The following SNX24 variants were observed in gnomAD, a reference collection of about 807,000 sequenced individuals.
The protein encoded by SNX24 is sorting nexin 24.
Under a neutral mutation model 28.7 loss-of-function variants are expected in SNX24, and 22 were observed. That is an observed-to-expected ratio of 0.77 (90% CI 0.55 to 1.10). The LOEUF (loss-of-function observed/expected upper bound fraction) is 1.10, where lower values mean the gene tolerates loss of function less well. Ranked by LOEUF, SNX24 falls within the 50% of genes least tolerant of loss-of-function variation. The pLI is 0.00. For missense variants in SNX24, 221 were observed against 201.1 expected, an observed-to-expected ratio of 1.10 and a Z score of -0.60; for synonymous variants, 69 against 71.5, an observed-to-expected ratio of 0.96 and a Z score of 0.18.
intron 1 of SNX24, among the ~76,000 whole-genome samples, chr5:122,861,589 A>G (rs1755464615): frequency 1.3e-5 from 2 of 152,098 alleles, no homozygotes; most frequent in South Asian, 4.1e-4. Flanking sequence ...CTTTAGAAGG[A>G]GCAGAAAACC....
At chr5:122,921,377 G>T (rs1378778321) in intron 1 of SNX24, among the ~76,000 whole-genome samples, 1 of 152,148 alleles carries the variant, frequency 6.6e-6, no homozygotes, top group Admixed American at 6.5e-5. Flanking sequence ...GGAAAATAAA[G>T]GCACTAATCG....
chr5:122,849,810 T>C (rs1160564606), intron 1 of SNX24, among the ~76,000 whole-genome samples: 1 of 152,220 alleles, frequency 6.6e-6, no homozygotes, highest in Non-Finnish European at 1.5e-5. Flanking sequence ...CCATCTCCAC[T>C]GTTGTATCCT....
intron 1 of SNX24, among the ~76,000 whole-genome samples, chr5:122,865,939 A>G (rs767837996): frequency 6.6e-6 from 1 of 152,248 alleles, no homozygotes; most frequent in African/African-American, 2.4e-5. Flanking sequence ...GATGATTTAA[A>G]TATGATGACA....
At chr5:122,922,372 C>A (rs1758469839) in intron 1 of SNX24, among the ~76,000 whole-genome samples, 2 of 152,106 alleles carry the variant, frequency 1.3e-5, no homozygotes, top group South Asian at 4.1e-4. Context: ...CCTGCCTCAG[C>A]CTCCTGAGTA....
intron 5 of SNX24, among the ~76,000 whole-genome samples, chr5:123,021,884 C>T (rs1235082062): frequency 6.6e-6 from 1 of 152,140 alleles, no homozygotes; most frequent in African/African-American, 2.4e-5. Context: ...ATTTTCTCTT[C>T]CTTCCTCCTG....
At position 123,008,183 on chromosome 5, in the gene SNX24, A is replaced by AT. The variant is rs1339240594; in HGVS notation, c.*438dup. ...GACACACTACTCTTCTCACCGTGAG[A>AT]TTTTCTCAGCCAGTGATAGTACATT... On this transcript the variant is annotated 3_prime_UTR_variant, in exon 7 of 7. Coordinates refer to ENST00000261369, the MANE Select transcript of SNX24 (RefSeq NM_014035.4). 1.0e-6 allele frequency: 1 copy of AT among 986,912 alleles called. No individual in the cohort carries two copies. The highest frequency in any genetic ancestry group is 1.2e-6 in the Non-Finnish European group (1 of 831,218). The allele number at this position is 986,912 out of a possible 1,614,324, so 61.1% of individuals were successfully genotyped here. A position where few individuals can be genotyped will look rare whatever the true frequency, so the allele number is the denominator to read the frequency against.
chr5:122,963,619 T>C (rs890753450), intron 3 of SNX24, among the ~76,000 whole-genome samples: 1 of 152,198 alleles, frequency 6.6e-6, no homozygotes, highest in Admixed American at 6.5e-5. Flanking sequence ...GCAGACATCC[T>C]TTAGATATTT....
intron 1 of SNX24, among the ~76,000 whole-genome samples, chr5:122,900,367 GT>G (rs570160521): frequency 6.6e-6 from 1 of 151,922 alleles, no homozygotes; most frequent in South Asian, 2.1e-4. Context: ...CTATTAAAAC[GT>G]TTTTTTTAAA....
intron 3 of SNX24, among the ~76,000 whole-genome samples, chr5:122,953,527 G>GAAA (rs35953786): frequency 2.7e-5 from 4 of 148,802 alleles, no homozygotes; most frequent in Non-Finnish European, 3.0e-5. Flanking sequence ...TAATCTTCCA[G>GAAA]AAAAAAAAAA....
chr5:123,016,989 AG>A (rs143912377), intron 5 of SNX24, among the ~76,000 whole-genome samples: 19,671 of 152,094 alleles, frequency 0.13, 1,554 homozygotes, highest in East Asian at 0.35. Flanking sequence ...AAATGAGCCT[AG>A]GTTTTTCCCA....
At chr5:122,901,224 A>G (rs1001552532) in intron 1 of SNX24, among the ~76,000 whole-genome samples, 2 of 151,452 alleles carry the variant, frequency 1.3e-5, no homozygotes, top group Non-Finnish European at 2.9e-5. Flanking sequence ...AAAGCAAAAT[A>G]TTGCTCATAT....
At chr5:122,871,220 T>A (rs981495411) in intron 1 of SNX24, among the ~76,000 whole-genome samples, 22 of 152,266 alleles carry the variant, frequency 1.4e-4, no homozygotes, top group Non-Finnish European at 3.1e-4. Flanking sequence ...TCAAGTTTTG[T>A]CCCCAGAGAT....
intron 3 of SNX24, among the ~76,000 whole-genome samples, chr5:122,991,633 G>A (rs1209186639): frequency 6.6e-6 from 1 of 151,990 alleles, no homozygotes; most frequent in Non-Finnish European, 1.5e-5. Context: ...CTAATTTTTT[G>A]TATTTTTAGT....
chr5:122,971,100 T>G (rs1252317823), intron 3 of SNX24, among the ~76,000 whole-genome samples: 1 of 152,172 alleles, frequency 6.6e-6, no homozygotes, highest in African/African-American at 2.4e-5. Context: ...AAGCTGACAG[T>G]GTAGCCTTCA....
chr5:123,001,997 A>G lies in SNX24; in HGVS notation c.435A>G (p.Ala145=), dbSNP rs1162584861. Residue 145 remains alanine (A), a synonymous_variant, in exon 6 of 7, where the codon GCA becomes GCG. Transcript: ENST00000261369. ...LFLRDPYVLP[A]ASDFPNVVIE... ...TCAGGGATCCATATGTCTTGCCTGC[A>G]GCCAGCGGTAATCAAACCTGTCATC... 1.2e-6 allele frequency: 2 copies of G among 1,613,666 alleles called. No individual in the cohort carries two copies. Among genetic ancestry groups the G allele is most frequent in the African/African-American group, 1.3e-5 (1 of 74,910 alleles).
At chr5:122,943,556 G>C (rs1759554262) in intron 2 of SNX24, among the ~76,000 whole-genome samples, 1 of 152,200 alleles carries the variant, frequency 6.6e-6, no homozygotes, top group South Asian at 2.1e-4. Context: ...AGCTCATTCA[G>C]GCAGAATTCA....
intron 1 of SNX24, among the ~76,000 whole-genome samples, chr5:122,884,563 A>G (rs1756625410): frequency 6.6e-6 from 1 of 151,864 alleles, no homozygotes; most frequent in Non-Finnish European, 1.5e-5. Context: ...TTTCTTTATC[A>G]CATAAAAAAA....
chr5:122,915,742 G>A lies in SNX24; in HGVS notation c.61-20992G>A, dbSNP rs543390413. ...TAAAAGCTGGTCTTTAGTGTGGCCT[G>A]TGAGGCCCTCAGTGTGGTCTGCCCT... On this transcript the variant is annotated intron_variant, in intron 1 of 6. Transcript: ENST00000261369. Among the ~76,000 whole-genome samples, 22 of 152,344 alleles carry A rather than the reference G, an allele frequency of 1.4e-4. 2 individuals are homozygous for A. The South Asian group carries it at 4.1e-3, about 29-fold the overall frequency.
intron 3 of SNX24, among the ~76,000 whole-genome samples, chr5:122,996,371 G>A (rs1341907932): frequency 5.3e-5 from 8 of 152,306 alleles, no homozygotes; most frequent in African/African-American, 1.9e-4. Flanking sequence ...AAAAGCAGGT[G>A]TTCTTGGCTG....
Sources: allele counts gnomAD v4.1 joint callset (sites outside exome capture counted in the v4.1 genomes callset), GRCh38; gene constraint gnomAD v4.1.1; transcripts MANE v1.5; gene names NCBI Gene and HGNC (gene_info 2026-07-23, HGNC 2026-07-21).